VPS13D: variants seen among roughly 807,000 people sequenced by gnomAD.
VPS13D encodes the protein vacuolar protein sorting 13 homolog D.
Under a neutral mutation model 461.9 loss-of-function variants are expected in VPS13D, and 187 were observed. The observed-to-expected ratio is 0.40, with a 90% confidence interval of 0.36 to 0.46. VPS13D has a LOEUF of 0.46. Among genes scored for constraint, VPS13D ranks in the 20% least tolerant of loss-of-function variants. The pLI, the probability that VPS13D is intolerant of heterozygous loss-of-function variation, is 0.60. For synonymous variants in VPS13D, 1,951 were observed against 1,986.3 expected, an observed-to-expected ratio of 0.98 and a Z score of 0.47; for missense variants, 4,711 against 5,364.9, an observed-to-expected ratio of 0.88 and a Z score of 3.81.
In VPS13D at chr1:12,507,958, G is replaced by C. The variant is rs117912889; in HGVS notation, c.13035+865G>C. ...TAATCAAAAGGGCCTGCCCACCTCT[G>C]CTCTCTCTATGGATCGGAAATAGCG... On this transcript the variant is annotated intron_variant, in intron 69 of 69. Transcript: ENST00000620676. The surrounding 1 kb of genome is among the most constrained non-coding windows in gnomAD (Gnocchi z 5.3). 0.019 allele frequency among the ~76,000 whole-genome samples: 2,937 copies of C among 152,352 alleles called. 116 individuals are homozygous for C. The highest frequency in any genetic ancestry group is 0.1 in the Admixed American group (1,565 of 15,302).
intron 65 of VPS13D, among the ~76,000 whole-genome samples, chr1:12,436,820 C>T (rs1157062284): frequency 1.3e-5 from 2 of 152,056 alleles, no homozygotes; most frequent in African/African-American, 4.8e-5. Context: ...AGGCATGCAC[C>T]GCCACGCCTG....
Position 12,433,931 on chromosome 1 carries a change from T to TGAGAGAGAGAGAGAGAGAGAGAGAGA in VPS13D, c.12333+17123_12333+17124insAGAGAGAGAGAGAGAGAGAGAGAGAG, listed in dbSNP as rs374176072. Among the ~76,000 whole-genome samples, 29 of 126,504 alleles carry TGAGAGAGAGAGAGAGAGAGAGAGAGA rather than the reference T, an allele frequency of 2.3e-4. No homozygotes were observed. The South Asian group carries it at 2.8e-3, about 12-fold the overall frequency. 83.0% of individuals were successfully genotyped at this position (126,504 alleles called of 152,430 possible). A position where few individuals can be genotyped will look rare whatever the true frequency, so the allele number is the denominator to read the frequency against. On this transcript the variant is annotated intron_variant, in intron 65 of 69. Transcript: ENST00000620676. ...GTAGGGGGTGGGGAGAGAGAGAGAGTGAGAGAGAGAGAGAGAGAGTGTGTG... is the reference window on the plus strand; with the variant it reads ...GTAGGGGGTGGGGAGAGAGAGAGAGTGAGAGAGAGAGAGAGAGAGAGAGAGAGAGAGAGAGAGAGAGAGAGTGTGTG...
intron 18 of VPS13D, among the ~76,000 whole-genome samples, chr1:12,273,554 C>A (rs987813354): frequency 1.3e-5 from 2 of 152,164 alleles, no homozygotes; most frequent in Non-Finnish European, 2.9e-5. Context: ...CCATTAAACA[C>A]CAATTCCCCT....
intron 31 of VPS13D, 111 bp downstream of exon 31, chr1:12,318,448 A>C: frequency 7.3e-7 from 1 of 1,366,698 alleles, no homozygotes; most frequent in South Asian, 1.4e-5. Context: ...GAGCACTTAC[A>C]CATTTGCCTC....
intron 52 of VPS13D, among the ~76,000 whole-genome samples, chr1:12,365,723 C>A (rs945575659): frequency 1.3e-5 from 2 of 149,898 alleles, no homozygotes; most frequent in Admixed American, 6.7e-5. Flanking sequence ...AAAAAAAATT[C>A]TTTCATCAAA....
intron 65 of VPS13D, among the ~76,000 whole-genome samples, chr1:12,451,880 A>T (rs1461260092): frequency 6.6e-6 from 1 of 152,232 alleles, no homozygotes; most frequent in African/African-American, 2.4e-5. Context: ...AATGTCTCAT[A>T]TGTATCAGGC....
intron 25 of VPS13D, among the ~76,000 whole-genome samples, chr1:12,301,432 C>T (rs1422881543): frequency 6.6e-6 from 1 of 152,142 alleles, no homozygotes; most frequent in Non-Finnish European, 1.5e-5. Flanking sequence ...CAGGGGAGCA[C>T]ATTTACTGGT....
intron 40 of VPS13D, among the ~76,000 whole-genome samples, chr1:12,340,366 C>T (rs1282298976): frequency 6.6e-6 from 1 of 152,106 alleles, no homozygotes; most frequent in Non-Finnish European, 1.5e-5. Context: ...TCTTAGACTC[C>T]CCTGAACCAT....
intron 55 of VPS13D, among the ~76,000 whole-genome samples, chr1:12,374,718 A>G (rs1644173917): frequency 6.6e-6 from 1 of 152,170 alleles, no homozygotes; most frequent in Non-Finnish European, 1.5e-5. Flanking sequence ...CTGTGTCAGT[A>G]TGTGTATGCG....
At chr1:12,240,501 T>C (rs758191566) in intron 2 of VPS13D, among the ~76,000 whole-genome samples, 1 of 142,432 alleles carries the variant, frequency 7.0e-6, no homozygotes, top group Non-Finnish European at 1.5e-5. Context: ...AGGCTGAGAC[T>C]GGAGAATCGC....
At chr1:12,262,161 G>A in intron 13 of VPS13D, 81 bp downstream of exon 13, 2 of 1,470,702 alleles carry the variant, frequency 1.4e-6, no homozygotes, top group Non-Finnish European at 1.8e-6. Context: ...ATTTGCTGTG[G>A]GGATAGTCTA....
At chr1:12,395,760 T>A (rs931650550) in intron 60 of VPS13D, among the ~76,000 whole-genome samples, 7 of 151,888 alleles carry the variant, frequency 4.6e-5, no homozygotes, top group Admixed American at 3.9e-4. Flanking sequence ...GTCAAATGCA[T>A]TTATTTTGCA....
intron 46 of VPS13D, among the ~76,000 whole-genome samples, chr1:12,351,113 A>T (rs1248648423): frequency 6.6e-6 from 1 of 152,314 alleles, no homozygotes; most frequent in African/African-American, 2.4e-5. Context: ...CCAGACGTTT[A>T]AGGAGAAATA....
chr1:12,348,647 T>C (rs547406402), intron 44 of VPS13D, among the ~76,000 whole-genome samples, 176 bp from the exon 45 acceptor site: 1 of 152,132 alleles, frequency 6.6e-6, no homozygotes, highest in Non-Finnish European at 1.5e-5. Flanking sequence ...TTTTTAACAG[T>C]GTATAGGATG....
chr1:12,301,018 G>A (rs936072346), intron 25 of VPS13D, among the ~76,000 whole-genome samples: 2 of 152,214 alleles, frequency 1.3e-5, no homozygotes, highest in African/African-American at 4.8e-5. Context: ...TAGGGAGAGA[G>A]ATGGCCTTTG....
chr1:12,308,248 G>A (rs1642624966), intron 26 of VPS13D, among the ~76,000 whole-genome samples, 183 bp from the exon 27 acceptor site: 1 of 152,136 alleles, frequency 6.6e-6, no homozygotes, highest in Non-Finnish European at 1.5e-5. Flanking sequence ...TGCATAAGGA[G>A]GTCTGGCTGC....
At chr1:12,380,848 A>G (rs1644263680) in intron 57 of VPS13D, among the ~76,000 whole-genome samples, 1 of 152,186 alleles carries the variant, frequency 6.6e-6, no homozygotes, top group African/African-American at 2.4e-5. Flanking sequence ...TTTTCATCAA[A>G]GACAAGCTGC....
At position 12,384,724 on chromosome 1, in the gene VPS13D, A is replaced by G. The variant is rs527709010; in HGVS notation, c.11371-536A>G. ...AGCCTCGAACTCCTGGGCTCAGGTG[A>G]TCCTCCCACCTCAGCCTCCCGAATA... On this transcript the variant is annotated intron_variant, in intron 58 of 69. Coordinates refer to ENST00000620676, the MANE Select transcript of VPS13D (RefSeq NM_015378.4). 3.9e-5 allele frequency among the ~76,000 whole-genome samples: 6 copies of G among 152,120 alleles called. No individual in the cohort carries two copies. In the East Asian group the frequency reaches 5.8e-4, roughly 15 times the overall value.
chr1:12,428,308 T>C (rs1169264508), intron 65 of VPS13D, among the ~76,000 whole-genome samples: 1 of 152,184 alleles, frequency 6.6e-6, no homozygotes, highest in Non-Finnish European at 1.5e-5. Flanking sequence ...GGCACAGGCA[T>C]ATCACACTCA....
Sources: gnomAD v4.1 joint callset for allele counts (sites outside exome capture counted in the v4.1 genomes callset) on GRCh38, gnomAD v4.1.1 for gene constraint, Gnocchi (gnomAD v3.1) non-coding constraint, MANE v1.5 for transcripts, NCBI Gene and HGNC (gene_info 2026-07-23, HGNC 2026-07-21) for gene names.